The following SIM2 variants were observed in gnomAD, a reference collection of about 807,000 sequenced individuals.
The protein encoded by SIM2 is single-minded homolog 2.
SIM2 carries 28 observed loss-of-function variants against 64.8 expected under a neutral mutation model. The observed-to-expected ratio is 0.43, with a 90% CI of 0.32 to 0.59. The LOEUF (loss-of-function observed/expected upper bound fraction) is 0.59. Ranked by LOEUF, SIM2 falls within the 20% of genes least tolerant of loss-of-function variation. The pLI, the probability that SIM2 is intolerant of heterozygous loss-of-function variation, is 0.07. For synonymous variants in SIM2, 408 were observed against 391.1 expected (o/e 1.04, Z -0.51); for missense variants, 847 against 871.4 (o/e 0.97, Z 0.35).
intron 7 of SIM2, among the ~76,000 whole-genome samples, chr21:36,737,747 G>A (rs1483653805): frequency 6.6e-6 from 1 of 151,826 alleles, no homozygotes; most frequent in Admixed American, 6.6e-5. Flanking sequence ...GTCACTTGGG[G>A]TCAGGAGTTT....
intron 1 of SIM2, 152 bp downstream of exon 1, chr21:36,700,073 C>T (rs1338246203): frequency 6.3e-6 from 5 of 790,556 alleles, no homozygotes; most frequent in Admixed American, 3.2e-5. Context: ...TCTTCGGCTT[C>T]GGCGCTGGCT....
chr21:36,712,619 C>G lies in SIM2; in HGVS notation c.345C>G (p.Ser115=). ...SETASVHLGL[S]QVELTGNSIY... is the part of the protein sequence containing the mutation. ...CCGCTTCTGTCCATTTAGGCTTATC[C>G]CAGGTGGGTATTGCCTAATTTTATG... The change falls in exon 3 of 11, where the codon TCC becomes TCG. Residue 115 remains serine, a synonymous_variant. Transcript: ENST00000290399. 3 of 1,608,076 alleles carry G rather than the reference C, an allele frequency of 1.9e-6. No individual in the cohort carries two copies. Among genetic ancestry groups the G allele is most frequent in the Non-Finnish European group, 2.6e-6 (3 of 1,176,168 alleles).
At chr21:36,702,499 C>G (rs2051030783) in intron 1 of SIM2, among the ~76,000 whole-genome samples, 1 of 152,226 alleles carries the variant, frequency 6.6e-6, no homozygotes, top group South Asian at 2.1e-4. Context: ...GGCCTTGGCC[C>G]TCAGTCAGTC....
chr21:36,730,126 C>T (rs1568934938), intron 6 of SIM2, among the ~76,000 whole-genome samples: 1 of 152,202 alleles, frequency 6.6e-6, no homozygotes, highest in Admixed American at 6.5e-5. Flanking sequence ...GTGGGAATCA[C>T]CCAGCGGCAG....
chr21:36,747,881 T>C lies in SIM2; in HGVS notation c.1793T>C (p.Val598Ala). The C allele has an allele frequency of 2.8e-6, 3 of 1,069,426 alleles. No individual in the cohort carries two copies. Among genetic ancestry groups the C allele is most frequent in the Non-Finnish European group, 2.3e-6 (2 of 877,074 alleles). 66.2% of individuals were successfully genotyped at this position (1,069,426 alleles called of 1,614,324 possible). Reference protein sequence around the residue: ...APGAPAQLPFVLLNYHRVLAR... With the variant: ...APGAPAQLPFALLNYHRVLAR... Reference sequence around the variant, plus strand: ...GGCGCGCCGGCGCAGCTGCCCTTCGTGCTGCTCAACTACCACCGCGTGCTG... The same window carrying C: ...GGCGCGCCGGCGCAGCTGCCCTTCGCGCTGCTCAACTACCACCGCGTGCTG... Residue 598 changes from valine (V) to alanine (A), a missense_variant, in exon 11 of 11, where the codon GTG becomes GCG. Physicochemically the swap from Val to Ala is moderately conservative, Grantham distance 64. This residue lies in a region of SIM2 where 447 missense variants were observed against 414.6 expected (regional missense o/e 1.08). Transcript: ENST00000290399. This position sits in a 1 kb window ranked among gnomAD's most constrained non-coding sequence, Gnocchi z 4.5.
At position 36,742,162 on chromosome 21, in the gene SIM2, C is replaced by T. The variant is rs1486737546; in HGVS notation, c.998+298C>T. On this transcript the variant is annotated intron_variant, in intron 8 of 10. Transcript: ENST00000290399. ...CAGAACCTAGTGAGGAGCATGGGGG[C>T]GGATGGTGATGCCCCCCATCCTGAA... Among the ~76,000 whole-genome samples the T allele has an allele frequency of 5.3e-5, 8 of 151,848 alleles. No homozygotes were observed. The South Asian group carries it at 6.2e-4, about 12-fold the overall frequency.
Position 36,747,854 on chromosome 21 carries a change from C to G in SIM2, c.1766C>G (p.Pro589Arg). 5.8e-6 allele frequency: 6 copies of G among 1,040,068 alleles called. No homozygotes were observed. The highest frequency in any genetic ancestry group is 5.0e-5 in the Admixed American group (1 of 19,836). The allele number at this position is 1,040,068 out of a possible 1,614,324, so 64.4% of individuals were successfully genotyped here. The stretch of plus-strand genomic sequence containing the variant: ...TGCGCGCCCCCGACCCCCGAGGCCC[C>G]GGGCGCGCCGGCGCAGCTGCCCTTC... ...ECCAPPTPEA[P>R]GAPAQLPFVL... The change falls in exon 11 of 11, where the codon CCG (proline) becomes CGG (arginine). Residue 589 changes from proline to arginine, a missense_variant. Physicochemically the swap from Pro to Arg is moderately radical, Grantham distance 103. This residue lies in a region of SIM2 where 447 missense variants were observed against 414.6 expected (regional missense o/e 1.08). Coordinates refer to ENST00000290399, the MANE Select transcript of SIM2 (RefSeq NM_005069.6). The surrounding 1 kb of genome is among the most constrained non-coding windows in gnomAD (Gnocchi z 4.5).
At chr21:36,714,705 T>G (rs1381875810) in intron 3 of SIM2, among the ~76,000 whole-genome samples, 2 of 152,186 alleles carry the variant, frequency 1.3e-5, no homozygotes, top group Non-Finnish European at 2.9e-5. Flanking sequence ...TCCCAAGAGA[T>G]CCGGTGCATT....
intron 7 of SIM2, among the ~76,000 whole-genome samples, chr21:36,738,947 G>A (rs1182617745): frequency 1.3e-5 from 2 of 152,182 alleles, no homozygotes; most frequent in African/African-American, 2.4e-5. Context: ...TGCTCGTTAC[G>A]CAACACTGCC....
rs755609209 is a variant in SIM2 at position 36,699,946 on chromosome 21, G to A, written c.175+25G>A. ...GGTGAGGCCTCAGGTGGGCGGCCGG[G>A]GACGCTGGGGAGCCCGGCGGCCCCG... On this transcript the variant is annotated intron_variant, in intron 1 of 10. Transcript: ENST00000290399. This position sits in a 1 kb window ranked among gnomAD's most constrained non-coding sequence, Gnocchi z 5.6. The A allele has an allele frequency of 6.4e-7, 1 of 1,565,388 alleles. No individual in the cohort carries two copies. The highest frequency in any genetic ancestry group is 2.4e-5 in the East Asian group (1 of 42,350).
rs757097933 is a variant in SIM2, at chr21:36,699,701, G to A, written c.-46G>A. ...CGCCGCAGCCCGAGCGGGGCTCCGC[G>A]GGCCTGGAGCACGGCCGGGTCTAAT... On this transcript the variant is annotated 5_prime_UTR_variant, in exon 1 of 11. Transcript: ENST00000290399. This position sits in a 1 kb window ranked among gnomAD's most constrained non-coding sequence, Gnocchi z 5.6. 10 of 1,583,526 alleles carry A rather than the reference G, an allele frequency of 6.3e-6. No homozygotes were observed. The highest frequency in any genetic ancestry group is 6.0e-6 in the Non-Finnish European group (7 of 1,166,250).
chr21:36,744,561 G>T (rs1243250649), intron 9 of SIM2, among the ~76,000 whole-genome samples, 167 bp from the exon 10 acceptor site: 3 of 152,162 alleles, frequency 2.0e-5, no homozygotes, highest in African/African-American at 7.2e-5. Context: ...AGGTCACTGG[G>T]GTATCGCTCG....
chr21:36,715,924 A>G (rs1390395782), intron 3 of SIM2, among the ~76,000 whole-genome samples: 4 of 152,118 alleles, frequency 2.6e-5, no homozygotes, highest in African/African-American at 9.7e-5. Flanking sequence ...TGTTTACACT[A>G]GTAAACAAGT....
At chr21:36,743,977 G>T (rs1346294095) in intron 9 of SIM2, among the ~76,000 whole-genome samples, 3 of 152,200 alleles carry the variant, frequency 2.0e-5, no homozygotes, top group Non-Finnish European at 4.4e-5. Flanking sequence ...GGTTGGGCGT[G>T]GTGGCCCATG....
intron 7 of SIM2, among the ~76,000 whole-genome samples, chr21:36,737,707 A>G (rs1328024661): frequency 2.0e-5 from 3 of 152,046 alleles, no homozygotes; most frequent in South Asian, 2.1e-4. Flanking sequence ...AAACATTTCA[A>G]TGTCCACTTT....
At position 36,743,542 on chromosome 21, in the gene SIM2, C is replaced by G. The variant is rs985203326; in HGVS notation, c.1154C>G (p.Pro385Arg). Residue 385 changes from proline to arginine, a missense_variant, in exon 9 of 11, where the codon CCT (proline) becomes CGT (arginine). Coordinates refer to ENST00000290399, the MANE Select transcript of SIM2 (RefSeq NM_005069.6). ...TKMKTKLRTNPYPPQQYSSFQ... is the reference protein window; with the variant it reads ...TKMKTKLRTNRYPPQQYSSFQ... Reference sequence around the variant, plus strand: ...ATGAAGACAAAGCTGAGAACAAACCCTTACCCCCCACAGGTAACACGCATG... The same window carrying G: ...ATGAAGACAAAGCTGAGAACAAACCGTTACCCCCCACAGGTAACACGCATG... 4 of 1,613,676 alleles carry G rather than the reference C, an allele frequency of 2.5e-6. No individual in the cohort carries two copies. In the African/African-American group the frequency reaches 5.3e-5, roughly 22 times the overall value.
rs1305248097 is a variant in SIM2 at position 36,745,154 on chromosome 21, G to A, written c.1576+18G>A. On this transcript the variant is annotated intron_variant, in intron 10 of 10. Transcript: ENST00000290399. The surrounding 1 kb of genome is among the most constrained non-coding windows in gnomAD (Gnocchi z 4.8). ...CTACGAAGGTGGGTCAGGTCTGCTC[G>A]TGGGGAAGGTGGGAGGACTGCGCAC... 7.5e-6 allele frequency: 12 copies of A among 1,597,768 alleles called. No homozygotes were observed. Among genetic ancestry groups the A allele is most frequent in the African/African-American group, 4.0e-5 (3 of 74,628 alleles).
chr21:36,734,952 A>G (rs530192032), intron 7 of SIM2, among the ~76,000 whole-genome samples: 1 of 152,270 alleles, frequency 6.6e-6, no homozygotes, highest in East Asian at 1.9e-4. Context: ...CAGAGCCTGG[A>G]GTTGAAGTGC....
At chr21:36,704,528 T>C (rs1353026030) in intron 1 of SIM2, among the ~76,000 whole-genome samples, 1 of 152,184 alleles carries the variant, frequency 6.6e-6, no homozygotes, top group Non-Finnish European at 1.5e-5. Context: ...GCCTGTGCTT[T>C]CGTTGCAGGC....
Sources: gnomAD v4.1 joint callset for allele counts (sites outside exome capture counted in the v4.1 genomes callset) on GRCh38, gnomAD v4.1.1 for gene constraint, gnomAD v4.1.1 regional missense constraint, Gnocchi (gnomAD v3.1) non-coding constraint, MANE v1.5 for transcripts, NCBI Gene and HGNC (gene_info 2026-07-23, HGNC 2026-07-21) for gene names.